MCC: variants seen among roughly 807,000 people sequenced by gnomAD.
MCC encodes MCC regulator of Wnt signaling pathway.
Under a neutral mutation model 116.2 loss-of-function variants are expected in MCC, and 90 were observed. The observed-to-expected ratio is 0.77, with a 90% CI of 0.65 to 0.92. MCC has a LOEUF of 0.92. MCC is among the 40% of genes least tolerant of loss of function. The pLI is 0.00. For missense variants in MCC, 1,516 were observed against 1,312.2 expected (o/e 1.16, Z -2.40); for synonymous variants, 578 against 510.5 (o/e 1.13, Z -1.78).
At chr5:113,376,314 A>G (rs1768978053) in intron 2 of MCC, among the ~76,000 whole-genome samples, 1 of 152,176 alleles carries the variant, frequency 6.6e-6, no homozygotes. Context: ...ATATTTGTTT[A>G]TTGGCCAAAT....
At chr5:113,264,973 G>A (rs561568804) in intron 3 of MCC, among the ~76,000 whole-genome samples, 5 of 152,124 alleles carry the variant, frequency 3.3e-5, no homozygotes, top group Admixed American at 2.0e-4. Context: ...CTTGGGAGGC[G>A]GAAGTTGCAG....
At chr5:113,486,828 C>G (rs1330714005) in intron 1 of MCC, among the ~76,000 whole-genome samples, 2 of 131,180 alleles carry the variant, frequency 1.5e-5, no homozygotes, top group Non-Finnish European at 3.2e-5. Flanking sequence ...GGTGATAGAG[C>G]GAGATTCTGT....
chr5:113,421,405 T>A (rs1367944312), intron 1 of MCC, among the ~76,000 whole-genome samples: 2 of 152,180 alleles, frequency 1.3e-5, no homozygotes, highest in African/African-American at 4.8e-5. Flanking sequence ...TCCCTAGACT[T>A]ACTGCTCAGA....
chr5:113,346,999 A>T (rs1489502141), intron 2 of MCC, among the ~76,000 whole-genome samples: 3 of 152,096 alleles, frequency 2.0e-5, no homozygotes, highest in Non-Finnish European at 2.9e-5. Context: ...ATATCCTTCA[A>T]ACATGAAGGA....
At chr5:113,445,207 A>G (rs1771175148) in intron 1 of MCC, among the ~76,000 whole-genome samples, 1 of 152,178 alleles carries the variant, frequency 6.6e-6, no homozygotes, top group African/African-American at 2.4e-5. Context: ...ATGTTTGGGA[A>G]CATCATATAC....
intron 15 of MCC, among the ~76,000 whole-genome samples, chr5:113,052,701 T>G (rs1242819350): frequency 3.3e-5 from 5 of 152,154 alleles, no homozygotes; most frequent in Admixed American, 6.5e-5. Flanking sequence ...TAGGAGCCAT[T>G]AACTCTGCAC....
At chr5:113,382,530 A>G (rs1769150135) in intron 2 of MCC, among the ~76,000 whole-genome samples, 1 of 152,138 alleles carries the variant, frequency 6.6e-6, no homozygotes, top group Non-Finnish European at 1.5e-5. Flanking sequence ...CTGGGATTAC[A>G]GGTGTGAGCC....
chr5:113,214,599 T>C (rs984376706), intron 3 of MCC, among the ~76,000 whole-genome samples: 1 of 152,130 alleles, frequency 6.6e-6, no homozygotes, highest in African/African-American at 2.4e-5. Context: ...CCCAGCCTTA[T>C]CAGTATCAGT....
At chr5:113,357,239 T>G (rs1325368374) in intron 2 of MCC, among the ~76,000 whole-genome samples, 2 of 152,214 alleles carry the variant, frequency 1.3e-5, no homozygotes, top group Non-Finnish European at 2.9e-5. Flanking sequence ...TGTTAGCCAT[T>G]ATCTGATCAC....
At chr5:113,103,730 T>C (rs568865042) in intron 7 of MCC, among the ~76,000 whole-genome samples, 2 of 152,300 alleles carry the variant, frequency 1.3e-5, no homozygotes, top group Admixed American at 1.3e-4. Flanking sequence ...GCCTTGACTT[T>C]CCCATCATTC....
intron 3 of MCC, among the ~76,000 whole-genome samples, chr5:113,177,657 T>C (rs1197278204): frequency 6.6e-6 from 1 of 152,188 alleles, no homozygotes. Flanking sequence ...AAAAACAAAA[T>C]TGTTATAGCA....
chr5:113,402,452 C>A (rs562811272), intron 1 of MCC, among the ~76,000 whole-genome samples: 5 of 151,974 alleles, frequency 3.3e-5, no homozygotes, highest in Non-Finnish European at 7.4e-5. Context: ...CTGCACCTGG[C>A]CTACCAAAAA....
chr5:113,022,673 A>G lies in MCC; in HGVS notation c.*4629T>C, dbSNP rs1460785909. Reference sequence around the variant, plus strand: ...TTTTTCCACATGAATTTGACTTGCAAAAAGTGCAAAAGGGAATGGTAGAAC... The same window carrying G: ...TTTTTCCACATGAATTTGACTTGCAGAAAGTGCAAAAGGGAATGGTAGAAC... On this transcript the variant is annotated 3_prime_UTR_variant, in exon 19 of 19. Coordinates refer to ENST00000408903, the MANE Select transcript of MCC (RefSeq NM_001085377.2). The G allele has an allele frequency of 6.6e-6, 1 of 152,242 alleles. No individual in the cohort carries two copies. The highest frequency in any genetic ancestry group is 2.4e-5 in the African/African-American group (1 of 41,458). The allele number at this position is 152,242 out of a possible 1,614,324, so 9.4% of individuals were successfully genotyped here.
In MCC at chr5:113,022,546, G is replaced by A. The variant is rs1750216232; in HGVS notation, c.*4756C>T. 1 of 152,318 alleles carries A rather than the reference G, an allele frequency of 6.6e-6. No homozygotes were observed. Among genetic ancestry groups the A allele is most frequent in the Non-Finnish European group, 1.5e-5 (1 of 68,036 alleles). 9.4% of individuals were successfully genotyped at this position (152,318 alleles called of 1,614,324 possible). On this transcript the variant is annotated 3_prime_UTR_variant, in exon 19 of 19. Transcript: ENST00000408903. ...GAAGTGGACATGTTTTATTATCTTT[G>A]CATTACGTTCTAACAAAAGCAGATT...
At chr5:113,100,877 A>G (rs947313787) in intron 8 of MCC, among the ~76,000 whole-genome samples, 1 of 152,200 alleles carries the variant, frequency 6.6e-6, no homozygotes, top group Non-Finnish European at 1.5e-5. Flanking sequence ...AAGAGAGTCA[A>G]GTAAGTCTAG....
At chr5:113,456,800 T>C (rs1771564947) in intron 1 of MCC, among the ~76,000 whole-genome samples, 1 of 151,230 alleles carries the variant, frequency 6.6e-6, no homozygotes, top group South Asian at 2.1e-4. Context: ...TTTTTAATTA[T>C]ACTTTTAAGT....
chr5:113,285,114 G>A (rs541130367), intron 3 of MCC, among the ~76,000 whole-genome samples: 1 of 152,198 alleles, frequency 6.6e-6, no homozygotes, highest in Admixed American at 6.5e-5. Context: ...AATAATTACA[G>A]TGTATTTTTA....
chr5:113,395,829 GATTA>G (rs1228776686), intron 1 of MCC, among the ~76,000 whole-genome samples: 1 of 150,918 alleles, frequency 6.6e-6, no homozygotes, highest in African/African-American at 2.4e-5. Context: ...TGCCTGGGGT[GATTA>G]ATTAAAATAT....
At position 113,248,226 on chromosome 5, in the gene MCC, G is replaced by C. The variant is rs1184610072; in HGVS notation, c.627+92293C>G. On this transcript the variant is annotated intron_variant, in intron 3 of 18. Transcript: ENST00000408903. ...GCCTGGGTGTCAAGAGTGAGACCTTGTATCTATTTAAAAAAAAAAAAAAAA... is the reference window on the plus strand; with the variant it reads ...GCCTGGGTGTCAAGAGTGAGACCTTCTATCTATTTAAAAAAAAAAAAAAAA... 2.4e-5 allele frequency among the ~76,000 whole-genome samples: 3 copies of C among 126,182 alleles called. No homozygotes were observed. In the South Asian group the frequency reaches 7.7e-4, roughly 32 times the overall value. The allele number at this position is 126,182 out of a possible 152,430, so 82.8% of individuals were successfully genotyped here.
Sources: gnomAD v4.1 joint callset for allele counts (sites outside exome capture counted in the v4.1 genomes callset) on GRCh38, gnomAD v4.1.1 for gene constraint, MANE v1.5 for transcripts, NCBI Gene and HGNC (gene_info 2026-07-23, HGNC 2026-07-21) for gene names.